The following MYOCOS variants were observed in gnomAD, a reference collection of about 807,000 sequenced individuals.
MYOCOS encodes the protein myocilin opposite strand protein.
chr1:171,604,388 A>T (rs976489903), intron 1 of MYOCOS: 2 of 152,216 alleles, frequency 1.3e-5, no homozygotes, highest in Non-Finnish European at 2.9e-5. Context: ...GTAAGACAAA[A>T]GATTGCTACA....
chr1:171,606,768 G>A (rs1034139395), intron 1 of MYOCOS, among the ~76,000 whole-genome samples: 4 of 152,140 alleles, frequency 2.6e-5, no homozygotes, highest in African/African-American at 9.7e-5. Context: ...GCTGAATAAA[G>A]CCCTTCTTTC....
At chr1:171,623,212 T>C (rs763224) in intron 1 of MYOCOS, among the ~76,000 whole-genome samples, 66,139 of 150,790 alleles carry the variant, frequency 0.44, 14,515 homozygotes, top group South Asian at 0.47. Context: ...GAAAAGGGGG[T>C]GGGGGGCAAC....
chr1:171,613,498 C>T (rs1348632241), intron 1 of MYOCOS, among the ~76,000 whole-genome samples: 1 of 152,044 alleles, frequency 6.6e-6, no homozygotes, highest in Non-Finnish European at 1.5e-5. Context: ...CAGGATCTCA[C>T]TTTCTCTTGG....
upstream of MYOCOS, among the ~76,000 whole-genome samples, chr1:171,619,723 G>A (rs1307003368): frequency 6.6e-6 from 1 of 151,546 alleles, no homozygotes; most frequent in African/African-American, 2.4e-5. Flanking sequence ...TGTGGTCCCA[G>A]CTACTCAGGA....
At chr1:171,608,095 A>T (rs990074140) in intron 1 of MYOCOS, among the ~76,000 whole-genome samples, 3 of 152,178 alleles carry the variant, frequency 2.0e-5, no homozygotes, top group Non-Finnish European at 4.4e-5. Context: ...TTATGATTCA[A>T]TTATCTCCCA....
chr1:171,621,462 G>T, upstream of MYOCOS, among the ~76,000 whole-genome samples: 1 of 138,028 alleles, frequency 7.2e-6, no homozygotes, highest in East Asian at 2.4e-4. Context: ...TGCAAGCTCC[G>T]CCTCCCGGGT....
intron 1 of MYOCOS, chr1:171,614,793 T>G (rs1465498061): frequency 6.6e-6 from 1 of 152,240 alleles, no homozygotes; most frequent in East Asian, 1.9e-4. Flanking sequence ...TTTTCTACAT[T>G]TTAGACGGAG....
rs1652717795 is a variant in MYOCOS at position 171,626,863 on chromosome 1, TTTAAA to T, written c.*267_*271del. Reference sequence around the variant, plus strand: ...AGAACTGTTGCTGTAGTCAGTTGTATTTAAATTAATAAACAGTTATCAGGCCTTGT... The same window carrying T: ...AGAACTGTTGCTGTAGTCAGTTGTATTTAATAAACAGTTATCAGGCCTTGT... On this transcript the variant is annotated 3_prime_UTR_variant, in exon 3 of 3. Coordinates refer to ENST00000637642, the MANE Select transcript of MYOCOS (RefSeq NM_001391940.1). The T allele has an allele frequency of 3.4e-6, 1 of 293,278 alleles. No individual in the cohort carries two copies. Among genetic ancestry groups the T allele is most frequent in the Non-Finnish European group, 6.2e-6 (1 of 160,776 alleles). The allele number at this position is 293,278 out of a possible 1,614,324, so 18.2% of individuals were successfully genotyped here.
chr1:171,618,873 GACTC>G (rs1400574833), upstream of MYOCOS, among the ~76,000 whole-genome samples: 1 of 152,190 alleles, frequency 6.6e-6, no homozygotes, highest in African/African-American at 2.4e-5. Context: ...ACCATGTCTG[GACTC>G]ACTATCTCCT....
intron 1 of MYOCOS, among the ~76,000 whole-genome samples, chr1:171,605,421 A>G (rs1652227876): frequency 6.8e-6 from 1 of 147,396 alleles, no homozygotes. Flanking sequence ...TTACATGATA[A>G]AGTTCCAGTT....
chr1:171,613,266 G>A (rs1558080260), intron 1 of MYOCOS, among the ~76,000 whole-genome samples: 1 of 152,082 alleles, frequency 6.6e-6, no homozygotes, highest in Non-Finnish European at 1.5e-5. Context: ...ACTGAACAAG[G>A]GATGGTGACC....
intron 1 of MYOCOS, among the ~76,000 whole-genome samples, chr1:171,612,806 G>A (rs1197682362): frequency 6.6e-6 from 1 of 152,080 alleles, no homozygotes; most frequent in Non-Finnish European, 1.5e-5. Context: ...CTCCAACCTG[G>A]GCGACAAGAG....
At chr1:171,612,921 G>T (rs182604071) in intron 1 of MYOCOS, among the ~76,000 whole-genome samples, 1 of 152,240 alleles carries the variant, frequency 6.6e-6, no homozygotes, top group East Asian at 1.9e-4. Context: ...CATTCAAAGA[G>T]CAAGGAAATG....
intron 1 of MYOCOS, among the ~76,000 whole-genome samples, chr1:171,623,150 C>T (rs1398641213): frequency 6.6e-6 from 1 of 152,018 alleles, no homozygotes; most frequent in Non-Finnish European, 1.5e-5. Context: ...TGAACCGAGA[C>T]AGCTCTGCTA....
At chr1:171,620,347 A>G (rs1254169396), upstream of MYOCOS, among the ~76,000 whole-genome samples, 4 of 152,142 alleles carry the variant, frequency 2.6e-5, no homozygotes, top group African/African-American at 7.2e-5. Context: ...ATTATGAGAC[A>G]AGAAAGAAAA....
chr1:171,623,462 G>A (rs184779580), intron 1 of MYOCOS, among the ~76,000 whole-genome samples: 346 of 152,204 alleles, frequency 2.3e-3, no homozygotes, highest in African/African-American at 8.1e-3. Context: ...CTGGAATGGC[G>A]CCATTAGAGA....
At chr1:171,619,568 G>A (rs924409391), upstream of MYOCOS, among the ~76,000 whole-genome samples, 1 of 152,070 alleles carries the variant, frequency 6.6e-6, no homozygotes, top group Non-Finnish European at 1.5e-5. Flanking sequence ...ATAAATCAAG[G>A]CCGAGCACAG....
chr1:171,614,131 T>C (rs542643054), intron 1 of MYOCOS, among the ~76,000 whole-genome samples: 2 of 152,332 alleles, frequency 1.3e-5, no homozygotes, highest in African/African-American at 2.4e-5. Context: ...AATTGTGCCA[T>C]TACAGTTTGC....
At chr1:171,623,082 AGCTGGGCATGGTGGCATG>A (rs1652605638) in intron 1 of MYOCOS, among the ~76,000 whole-genome samples, 1 of 152,102 alleles carries the variant, frequency 6.6e-6, no homozygotes, top group African/African-American at 2.4e-5. Flanking sequence ...TACAAAAATT[AGCTGGGCATGGTGGCATG>A]CACCTGTAGT....
Sources: allele counts gnomAD v4.1 joint callset (sites outside exome capture counted in the v4.1 genomes callset), GRCh38; gene constraint gnomAD v4.1.1; transcripts MANE v1.5; gene names NCBI Gene and HGNC (gene_info 2026-07-23, HGNC 2026-07-21).